Variants in ADAMTSL1 observed in about 807,000 individuals in gnomAD.
ADAMTSL1 encodes ADAMTS-like protein 1.
ADAMTSL1 carries 126 observed loss-of-function variants against 201.8 expected under a neutral mutation model. That is an observed-to-expected ratio of 0.62 (90% CI 0.54 to 0.72). ADAMTSL1 has a LOEUF of 0.72. ADAMTSL1 is among the 30% of genes least tolerant of loss of function. The pLI, the probability that ADAMTSL1 is intolerant of heterozygous loss-of-function variation, is 0.00. For missense variants in ADAMTSL1, 2,679 were observed against 2,277.8 expected (o/e 1.18, Z -3.59); for synonymous variants, 1,121 against 903.4 (o/e 1.24, Z -4.32).
intron 23 of ADAMTSL1, among the ~76,000 whole-genome samples, chr9:18,868,096 T>C (rs1827655460): frequency 6.6e-6 from 1 of 152,252 alleles, no homozygotes. Flanking sequence ...TTTTCTATAA[T>C]GTTTCATCTG....
chr9:18,891,452 T>A (rs183292971), intron 25 of ADAMTSL1, among the ~76,000 whole-genome samples: 177 of 152,304 alleles, frequency 1.2e-3, no homozygotes, highest in Middle Eastern at 3.4e-3. Context: ...TCTTTGAGAA[T>A]TACCACAGGG....
chr9:18,377,354 A>C (rs1837342438), intron 2 of ADAMTSL1, among the ~76,000 whole-genome samples: 1 of 152,202 alleles, frequency 6.6e-6, no homozygotes, highest in African/African-American at 2.4e-5. Flanking sequence ...ATTTTGTTTA[A>C]AGCATTCTTT....
intron 2 of ADAMTSL1, among the ~76,000 whole-genome samples, chr9:18,416,064 C>G (rs974353031): frequency 4.0e-5 from 6 of 151,790 alleles, no homozygotes; most frequent in African/African-American, 1.5e-4. Context: ...ATCCTCCAAG[C>G]AAAATAAAAA....
chr9:18,316,825 C>A (rs949378207), intron 2 of ADAMTSL1, among the ~76,000 whole-genome samples: 1 of 152,182 alleles, frequency 6.6e-6, no homozygotes, highest in Non-Finnish European at 1.5e-5. Flanking sequence ...GAAATCTTTA[C>A]AATCCACGTT....
intron 23 of ADAMTSL1, among the ~76,000 whole-genome samples, chr9:18,840,304 A>G (rs1412742952): frequency 6.6e-6 from 1 of 152,026 alleles, no homozygotes; most frequent in Non-Finnish European, 1.5e-5. Context: ...TCCTTTCCCC[A>G]TTGCTTGTTT....
At chr9:18,005,438 A>G (rs1386642557) in intron 1 of ADAMTSL1, among the ~76,000 whole-genome samples, 1 of 152,084 alleles carries the variant, frequency 6.6e-6, no homozygotes, top group Non-Finnish European at 1.5e-5. Context: ...TAACAGTTGA[A>G]GGAAAAAGAA....
At chr9:18,184,799 C>T (rs1414103429) in intron 2 of ADAMTSL1, among the ~76,000 whole-genome samples, 1 of 152,174 alleles carries the variant, frequency 6.6e-6, no homozygotes, top group South Asian at 2.1e-4. Flanking sequence ...ATCCGTATAT[C>T]TAAAAATCAC....
intron 3 of ADAMTSL1, among the ~76,000 whole-genome samples, chr9:18,541,225 T>G (rs1287241107): frequency 6.6e-6 from 1 of 152,196 alleles, no homozygotes; most frequent in Non-Finnish European, 1.5e-5. Context: ...TTACGATGTA[T>G]GAGTGGCAGG....
At chr9:18,065,228 T>C (rs1463483224) in intron 1 of ADAMTSL1, among the ~76,000 whole-genome samples, 2 of 152,124 alleles carry the variant, frequency 1.3e-5, no homozygotes, top group Non-Finnish European at 2.9e-5. Flanking sequence ...TTCACATCTC[T>C]GTTGGGATGT....
intron 3 of ADAMTSL1, among the ~76,000 whole-genome samples, chr9:18,544,619 G>A (rs147142441): frequency 1.2e-3 from 176 of 152,230 alleles, no homozygotes; most frequent in Non-Finnish European, 1.8e-3. Context: ...CTGGCCTGAA[G>A]AGTCACACCT....
At chr9:18,172,328 A>G (rs1008897316) in intron 2 of ADAMTSL1, among the ~76,000 whole-genome samples, 20 of 152,058 alleles carry the variant, frequency 1.3e-4, no homozygotes, top group African/African-American at 4.3e-4. Context: ...AGCCCAATAG[A>G]AAAAAATGAA....
intron 2 of ADAMTSL1, among the ~76,000 whole-genome samples, chr9:18,512,224 A>G (rs751331908): frequency 5.9e-5 from 9 of 152,158 alleles, no homozygotes; most frequent in Non-Finnish European, 1.0e-4. Context: ...TTCAGGTCAT[A>G]TATCTTAGGG....
intron 4 of ADAMTSL1, among the ~76,000 whole-genome samples, chr9:18,607,258 G>T (rs773921844): frequency 3.3e-5 from 5 of 152,092 alleles, no homozygotes; most frequent in African/African-American, 1.2e-4. Context: ...TTCAACTTTC[G>T]ATTGTAAAAT....
chr9:18,261,454 G>T (rs529853550), intron 2 of ADAMTSL1, among the ~76,000 whole-genome samples: 1 of 152,240 alleles, frequency 6.6e-6, no homozygotes, highest in Non-Finnish European at 1.5e-5. Context: ...CAGGAAGCTC[G>T]AGATACATCT....
chr9:18,501,977 A>C (rs16936815), intron 1 of ADAMTSL1, among the ~76,000 whole-genome samples: 1 of 152,182 alleles, frequency 6.6e-6, no homozygotes, highest in Non-Finnish European at 1.5e-5. Flanking sequence ...CACATGAAAA[A>C]TATCAAGGAA....
At chr9:18,685,429 G>A (rs141102676) in intron 13 of ADAMTSL1, among the ~76,000 whole-genome samples, 328 of 152,302 alleles carry the variant, frequency 2.2e-3, no homozygotes, top group African/African-American at 7.6e-3. Flanking sequence ...TGATTGATAA[G>A]TTTATGTATT....
chr9:18,451,494 A>G (rs889973412), intron 2 of ADAMTSL1, among the ~76,000 whole-genome samples: 1 of 152,234 alleles, frequency 6.6e-6, no homozygotes, highest in Non-Finnish European at 1.5e-5. Flanking sequence ...TACTGAAACC[A>G]TTACTTGAGC....
chr9:18,529,002 T>C (rs1819271092), intron 2 of ADAMTSL1, among the ~76,000 whole-genome samples: 1 of 152,254 alleles, frequency 6.6e-6, no homozygotes, highest in South Asian at 2.1e-4. Flanking sequence ...AAACATTTTT[T>C]ACTGCTTAAT....
At chr9:18,866,997 G>A (rs1301647489) in intron 23 of ADAMTSL1, among the ~76,000 whole-genome samples, 1 of 152,210 alleles carries the variant, frequency 6.6e-6, no homozygotes, top group African/African-American at 2.4e-5. Flanking sequence ...CAGGTTTCAG[G>A]AGGTGTGCAC....
Sources: allele counts gnomAD v4.1 joint callset (sites outside exome capture counted in the v4.1 genomes callset), GRCh38; gene constraint gnomAD v4.1.1; transcripts MANE v1.5; gene names NCBI Gene and HGNC (gene_info 2026-07-23, HGNC 2026-07-21).